Variants in DOCK3 observed in about 807,000 individuals in gnomAD.
DOCK3 encodes the protein dedicator of cytokinesis protein 3.
Under a neutral mutation model 265.6 loss-of-function variants are expected in DOCK3, and 60 were observed. The ratio of observed to expected loss-of-function variants is 0.23; its 90% CI spans 0.18 to 0.28. DOCK3 has a LOEUF of 0.28. DOCK3 is among the 10% of genes least tolerant of loss of function. The pLI is 1.00. For missense variants in DOCK3, 1,981 were observed against 2,594.3 expected (o/e 0.76, Z 5.14); for synonymous variants, 881 against 938.0 (o/e 0.94, Z 1.11).
chr3:50,818,819 A>G (rs1230604725), intron 2 of DOCK3, among the ~76,000 whole-genome samples: 1 of 152,178 alleles, frequency 6.6e-6, no homozygotes, highest in Non-Finnish European at 1.5e-5. Flanking sequence ...TCCTCAGACC[A>G]TTGCATGATG....
chr3:50,758,025 A>G (rs2609008), intron 1 of DOCK3, among the ~76,000 whole-genome samples: 1 of 151,534 alleles, frequency 6.6e-6, no homozygotes, highest in African/African-American at 2.4e-5. Context: ...AAATACAAAA[A>G]AAATTAGCCG....
At chr3:50,888,892 C>CT (rs970119786) in intron 3 of DOCK3, among the ~76,000 whole-genome samples, 1 of 151,908 alleles carries the variant, frequency 6.6e-6, no homozygotes, top group East Asian at 1.9e-4. Context: ...GACTTAAATC[C>CT]TTTTTTTAAG....
At chr3:51,000,604 A>G (rs1434572700) in intron 5 of DOCK3, among the ~76,000 whole-genome samples, 1 of 152,058 alleles carries the variant, frequency 6.6e-6, no homozygotes, top group Non-Finnish European at 1.5e-5. Context: ...TTCTTCTTAT[A>G]TTTCAGTGTT....
chr3:51,006,797 G>T (rs1419467135), intron 5 of DOCK3, among the ~76,000 whole-genome samples: 6 of 152,006 alleles, frequency 3.9e-5, no homozygotes, highest in African/African-American at 1.4e-4. Flanking sequence ...CAACAGGCCC[G>T]GGTGTATGTT....
chr3:50,945,018 G>A lies in DOCK3; in HGVS notation c.315+10941G>A, dbSNP rs893663834. 2.6e-4 allele frequency among the ~76,000 whole-genome samples: 40 copies of A among 152,138 alleles called. 1 individual carries two copies. Among genetic ancestry groups the A allele is most frequent in the Admixed American group, 2.6e-3 (40 of 15,276 alleles). On this transcript the variant is annotated intron_variant, in intron 5 of 52. Coordinates refer to ENST00000266037, the MANE Select transcript of DOCK3 (RefSeq NM_004947.5). ...AAAAACCCAAAAAAGCTTTGTAGTT[G>A]TTTCCTATCAACTTAAACATGGCAT...
At chr3:51,184,255 G>A (rs1447017500) in intron 12 of DOCK3, among the ~76,000 whole-genome samples, 4 of 150,274 alleles carry the variant, frequency 2.7e-5, no homozygotes, top group Non-Finnish European at 5.9e-5. Context: ...AAATTGCAGT[G>A]AGCCAAGATC....
intron 5 of DOCK3, among the ~76,000 whole-genome samples, chr3:50,949,152 GA>G (rs1559852304): frequency 6.6e-6 from 1 of 151,988 alleles, no homozygotes; most frequent in African/African-American, 2.4e-5. Context: ...AACTATAAAA[GA>G]AAAAAGCTGA....
intron 5 of DOCK3, among the ~76,000 whole-genome samples, chr3:50,973,292 C>G (rs1182091129): frequency 1.4e-5 from 2 of 141,746 alleles, no homozygotes; most frequent in African/African-American, 5.5e-5. Flanking sequence ...TCCCCCCTCC[C>G]CCCACCCCAA....
chr3:51,014,161 G>A lies in DOCK3; in HGVS notation c.316-50287G>A, dbSNP rs115195907. The stretch of plus-strand genomic sequence containing the variant: ...CCCACCCTGCTTCAGCTCGCCCTCC[G>A]TCAGCTGCACCCACTTTCCAGCCAG... On this transcript the variant is annotated intron_variant, in intron 5 of 52. Coordinates refer to ENST00000266037, the MANE Select transcript of DOCK3 (RefSeq NM_004947.5). Among the ~76,000 whole-genome samples, 1,000 of 152,188 alleles carry A rather than the reference G, an allele frequency of 6.6e-3. 6 individuals carry two copies. The highest frequency in any genetic ancestry group is 0.022 in the African/African-American group (931 of 41,536).
chr3:51,104,535 T>C (rs1026920732), intron 9 of DOCK3, among the ~76,000 whole-genome samples: 1 of 152,096 alleles, frequency 6.6e-6, no homozygotes, highest in African/African-American at 2.4e-5. Flanking sequence ...TCAGGAGAGA[T>C]TGGGTTTGGA....
At chr3:50,736,752 A>C (rs1251236802) in intron 1 of DOCK3, among the ~76,000 whole-genome samples, 2 of 144,746 alleles carry the variant, frequency 1.4e-5, no homozygotes, top group South Asian at 2.2e-4. Flanking sequence ...GCTGGAGTGC[A>C]GTGGTGTGAT....
chr3:51,270,211 T>C (rs765939549), intron 23 of DOCK3, among the ~76,000 whole-genome samples: 2 of 152,196 alleles, frequency 1.3e-5, no homozygotes, highest in African/African-American at 2.4e-5. Context: ...AATACACACA[T>C]TTCCCATCCT....
At chr3:51,199,333 C>A (rs1438632859) in intron 12 of DOCK3, among the ~76,000 whole-genome samples, 1 of 152,196 alleles carries the variant, frequency 6.6e-6, no homozygotes, top group African/African-American at 2.4e-5. Flanking sequence ...TCACTCCCAC[C>A]CAAATACTGC....
At chr3:50,876,462 G>A (rs2047705978) in intron 3 of DOCK3, among the ~76,000 whole-genome samples, 2 of 151,904 alleles carry the variant, frequency 1.3e-5, no homozygotes, top group African/African-American at 4.8e-5. Flanking sequence ...TAAATATTTA[G>A]TATTTTATTA....
chr3:50,893,647 T>A (rs2048749373), intron 4 of DOCK3, among the ~76,000 whole-genome samples: 2 of 151,704 alleles, frequency 1.3e-5, no homozygotes, highest in African/African-American at 4.8e-5. Flanking sequence ...ATATGCTCAA[T>A]ATGGAATTAT....
At chr3:51,095,370 C>G (rs2082802250) in intron 9 of DOCK3, among the ~76,000 whole-genome samples, 1 of 152,158 alleles carries the variant, frequency 6.6e-6, no homozygotes, top group African/African-American at 2.4e-5. Context: ...GACAAAATCT[C>G]TCAGCAATTG....
intron 3 of DOCK3, among the ~76,000 whole-genome samples, chr3:50,859,917 A>T (rs1286255060): frequency 6.6e-6 from 1 of 151,992 alleles, no homozygotes; most frequent in Non-Finnish European, 1.5e-5. Flanking sequence ...GTAATTTATG[A>T]CTTTGTACTT....
In DOCK3 at chr3:51,246,135, C is replaced by T. The variant is rs141469704; in HGVS notation, c.2103-591C>T. On this transcript the variant is annotated intron_variant, in intron 21 of 52. Transcript: ENST00000266037. ...ACTCCTGGGACTGCATACTTTTATTCAGAATCTACTATTTACTGGCTGGTG... is the reference window on the plus strand; with the variant it reads ...ACTCCTGGGACTGCATACTTTTATTTAGAATCTACTATTTACTGGCTGGTG... 1.9e-3 allele frequency among the ~76,000 whole-genome samples: 296 copies of T among 151,956 alleles called. 3 individuals carry two copies. Among genetic ancestry groups the T allele is most frequent in the African/African-American group, 6.5e-3 (270 of 41,446 alleles).
At chr3:51,351,841 G>A (rs1434397841) in intron 40 of DOCK3, among the ~76,000 whole-genome samples, 1 of 152,064 alleles carries the variant, frequency 6.6e-6, no homozygotes. Context: ...TTTTTTAGTT[G>A]AGACGAGGTT....
Sources: allele counts gnomAD v4.1 joint callset (sites outside exome capture counted in the v4.1 genomes callset), GRCh38; gene constraint gnomAD v4.1.1; transcripts MANE v1.5; gene names NCBI Gene and HGNC (gene_info 2026-07-23, HGNC 2026-07-21).